CBFA2T3: variants seen among roughly 807,000 people sequenced by gnomAD.
CBFA2T3 encodes CBFA2/RUNX1 partner transcriptional co-repressor 3.
CBFA2T3 carries 31 observed loss-of-function variants against 58.6 expected under a neutral mutation model. That is an observed-to-expected ratio of 0.53 (90% CI 0.40 to 0.71). CBFA2T3 has a LOEUF of 0.71. CBFA2T3 is among the 30% of genes least tolerant of loss of function. The pLI is 0.00. For missense variants in CBFA2T3, 1,076 were observed against 963.1 expected (o/e 1.12, Z -1.55); for synonymous variants, 531 against 421.9 (o/e 1.26, Z -3.17).
At chr16:88,971,120 T>C (rs1315789747) in intron 1 of CBFA2T3, among the ~76,000 whole-genome samples, 1 of 152,004 alleles carries the variant, frequency 6.6e-6, no homozygotes, top group Admixed American at 6.5e-5. Flanking sequence ...AATTTTCCTT[T>C]TTTTTTAAAG....
chr16:88,906,500 AAAATAAAATCGCAC>A (rs1902166622), intron 1 of CBFA2T3, among the ~76,000 whole-genome samples: 1 of 152,372 alleles, frequency 6.6e-6, no homozygotes, highest in Admixed American at 6.5e-5. Flanking sequence ...ACCACTTGGA[AAAATAAAATCGCAC>A]AGAGCTTCAC....
Position 88,977,154 on chromosome 16 carries a change from A to G in CBFA2T3, c.-347T>C. 3.3e-6 allele frequency: 1 copy of G among 306,222 alleles called. No individual in the cohort carries two copies. Among genetic ancestry groups the G allele is most frequent in the Non-Finnish European group, 6.2e-6 (1 of 161,950 alleles). The allele number at this position is 306,222 out of a possible 1,614,324, so 19.0% of individuals were successfully genotyped here. A position where few individuals can be genotyped will look rare whatever the true frequency, so the allele number is the denominator to read the frequency against. On this transcript the variant is annotated 5_prime_UTR_variant, in exon 1 of 12. Transcript: ENST00000268679. ...CAGCTGCGCCCGCCACTTCCCTGAC[A>G]GGAACCATCTGGGGCCCTGCCCTGC...
chr16:88,910,953 G>A (rs988465846), intron 1 of CBFA2T3, among the ~76,000 whole-genome samples: 3 of 148,602 alleles, frequency 2.0e-5, no homozygotes, highest in African/African-American at 5.3e-5. Context: ...CGGCCTGAGA[G>A]CCTCAGGCGC....
At chr16:88,930,635 G>C (rs972700322) in intron 1 of CBFA2T3, among the ~76,000 whole-genome samples, 1 of 149,472 alleles carries the variant, frequency 6.7e-6, no homozygotes, top group Non-Finnish European at 1.5e-5. Flanking sequence ...GAACAGGCAA[G>C]TTCACAGAGA....
Position 88,874,907 on chromosome 16 carries a change from A to C in CBFA2T3, c.*2069T>G, listed in dbSNP as rs1038337841. 8.6e-6 allele frequency: 2 copies of C among 232,664 alleles called. No homozygotes were observed. Among genetic ancestry groups the C allele is most frequent in the Non-Finnish European group, 1.7e-5 (2 of 117,396 alleles). The allele number at this position is 232,664 out of a possible 1,614,324, so 14.4% of individuals were successfully genotyped here. ...AAACATCTCGTTTATTACCATCATG[A>C]ATATCATTTGGACCTCTGCAAAGAC... On this transcript the variant is annotated 3_prime_UTR_variant, in exon 12 of 12. Transcript: ENST00000268679.
In CBFA2T3 at chr16:88,935,128, C is replaced by T. The variant is rs571927301; in HGVS notation, c.152-33472G>A. On this transcript the variant is annotated intron_variant, in intron 1 of 11. Transcript: ENST00000268679. ...ACAGGGATACGTGGAGTCCAGCACC[C>T]AAGGCCCCTGTTCTGTCCACTTGGG... Among the ~76,000 whole-genome samples the T allele has an allele frequency of 1.4e-4, 21 of 152,342 alleles. No homozygotes were observed. The East Asian group carries it at 3.1e-3, about 22-fold the overall frequency.
At chr16:88,954,160 G>T (rs890459977) in intron 1 of CBFA2T3, among the ~76,000 whole-genome samples, 2 of 152,164 alleles carry the variant, frequency 1.3e-5, no homozygotes, top group East Asian at 3.9e-4. Context: ...ACCACAGTGG[G>T]CTCCCCCAGC....
At position 88,875,320 on chromosome 16, in the gene CBFA2T3, T is replaced by TC. The variant is rs1968790066; in HGVS notation, c.*1655_*1656insG. ...TCCTTCTTGAAATCGCTGAGGCAGT[T>TC]GAGAGGAGTGGAGGGAGGGTGGGCA... On this transcript the variant is annotated 3_prime_UTR_variant, in exon 12 of 12. Transcript: ENST00000268679. 4.8e-6 allele frequency: 1 copy of TC among 207,478 alleles called. No homozygotes were observed. The highest frequency in any genetic ancestry group is 6.4e-5 in the Admixed American group (1 of 15,688). 12.9% of individuals were successfully genotyped at this position (207,478 alleles called of 1,614,324 possible). A position where few individuals can be genotyped will look rare whatever the true frequency, so the allele number is the denominator to read the frequency against.
chr16:88,892,575 G>C, intron 3 of CBFA2T3, 90 bp from the exon 4 acceptor site: 1 of 1,421,242 alleles, frequency 7.0e-7, no homozygotes, highest in Non-Finnish European at 9.8e-7. Flanking sequence ...AGCGACTAAG[G>C]TGACAATGTC....
intron 1 of CBFA2T3, among the ~76,000 whole-genome samples, chr16:88,956,766 G>T (rs139207656): frequency 0.02 from 3,038 of 152,334 alleles, 36 homozygotes; most frequent in Non-Finnish European, 0.031. Context: ...CTGCTCCTCG[G>T]CTGCTTTCCT....
chr16:88,959,113 G>A (rs1972301020), intron 1 of CBFA2T3, among the ~76,000 whole-genome samples: 1 of 152,236 alleles, frequency 6.6e-6, no homozygotes, highest in African/African-American at 2.4e-5. Context: ...TGGAGGGGCA[G>A]CGCCCTGCTG....
chr16:88,971,941 C>G (rs971948051), intron 1 of CBFA2T3, among the ~76,000 whole-genome samples: 1 of 152,232 alleles, frequency 6.6e-6, no homozygotes. Context: ...GCTTCTCGGT[C>G]CACATGTGGT....
intron 1 of CBFA2T3, among the ~76,000 whole-genome samples, chr16:88,914,447 A>G (rs1218757371): frequency 1.3e-5 from 2 of 152,238 alleles, no homozygotes; most frequent in Admixed American, 6.5e-5. Flanking sequence ...GACATCCCCT[A>G]TGAGTGAACA....
chr16:88,934,271 C>G (rs887415479), intron 1 of CBFA2T3, among the ~76,000 whole-genome samples: 2 of 152,198 alleles, frequency 1.3e-5, no homozygotes, highest in African/African-American at 4.8e-5. Context: ...GAAGGGCTGC[C>G]CCACAGTGGC....
At position 88,891,911 on chromosome 16, in the gene CBFA2T3, G is replaced by A; in HGVS notation, c.682C>T (p.Leu228=). 4 of 1,613,296 alleles carry A rather than the reference G, an allele frequency of 2.5e-6. No homozygotes were observed. Among genetic ancestry groups the A allele is most frequent in the Non-Finnish European group, 3.4e-6 (4 of 1,179,726 alleles). The change falls in exon 5 of 12, where the codon CTG becomes TTG. Residue 228 remains leucine (L), a synonymous_variant. Coordinates refer to ENST00000268679, the MANE Select transcript of CBFA2T3 (RefSeq NM_005187.6). ...SKLQEATNFP[L]RPFVIPFLKA... is the part of the protein sequence containing the mutation. ...AGGAAGGGAATGACAAACGGCCGCA[G>A]AGGGAAGTTGGTGGCCTCCTGAAGC... is the stretch of plus-strand genomic sequence containing the variant.
chr16:88,913,413 T>G (rs1970591331), intron 1 of CBFA2T3, among the ~76,000 whole-genome samples: 3 of 152,238 alleles, frequency 2.0e-5, no homozygotes, highest in Admixed American at 1.3e-4. Flanking sequence ...TTTGAGCCAC[T>G]GTTTGAGGGT....
chr16:88,897,131 T>C (rs1191709025), intron 3 of CBFA2T3, among the ~76,000 whole-genome samples: 3 of 152,234 alleles, frequency 2.0e-5, no homozygotes, highest in African/African-American at 7.2e-5. Context: ...TGCTCCTTGC[T>C]GTGGGGGCTC....
rs566280224 is a variant in CBFA2T3, at chr16:88,875,086, C to T, written c.*1890G>A. 1.5e-4 allele frequency: 36 copies of T among 235,904 alleles called. No homozygotes were observed. Among genetic ancestry groups the T allele is most frequent in the Admixed American group, 3.9e-4 (7 of 17,750 alleles). 14.6% of individuals were successfully genotyped at this position (235,904 alleles called of 1,614,324 possible). On this transcript the variant is annotated 3_prime_UTR_variant, in exon 12 of 12. Transcript: ENST00000268679. ...ATGCCAGGCCACGGGCCACGCCACGCGCACAGATGCCAGGCCACGGGCCAC... is the reference window on the plus strand; with the variant it reads ...ATGCCAGGCCACGGGCCACGCCACGTGCACAGATGCCAGGCCACGGGCCAC...
In CBFA2T3 at chr16:88,971,934, T is replaced by A. The variant is rs74033232; in HGVS notation, c.151+4723A>T. On this transcript the variant is annotated intron_variant, in intron 1 of 11. Coordinates refer to ENST00000268679, the MANE Select transcript of CBFA2T3 (RefSeq NM_005187.6). The stretch of plus-strand genomic sequence containing the variant: ...AGGCAGGTTAACGGGACGCACTGCT[T>A]CTCGGTCCACATGTGGTGAGAAGTG... 5.3e-3 allele frequency among the ~76,000 whole-genome samples: 809 copies of A among 152,330 alleles called. 8 individuals are homozygous for A. Among genetic ancestry groups the A allele is most frequent in the African/African-American group, 0.018 (763 of 41,570 alleles).
Sources: gnomAD v4.1 joint callset for allele counts (sites outside exome capture counted in the v4.1 genomes callset) on GRCh38, gnomAD v4.1.1 for gene constraint, MANE v1.5 for transcripts, NCBI Gene and HGNC (gene_info 2026-07-23, HGNC 2026-07-21) for gene names.